Variants in CD83 observed in about 807,000 individuals in gnomAD.
CD83 encodes CD83 molecule, also known as CD83 antigen.
A neutral mutation model predicts 24.6 loss-of-function variants in CD83; 22 were observed. The observed-to-expected ratio is 0.90, with a 90% CI of 0.64 to 1.28. The LOEUF (loss-of-function observed/expected upper bound fraction) is 1.28, where lower values mean the gene tolerates loss of function less well. Among genes scored for constraint, CD83 ranks in the 50% most tolerant of loss-of-function variants. The pLI is 0.00. For missense variants in CD83, 253 were observed against 252.8 expected (o/e 1.00, Z -0.01); for synonymous variants, 101 against 103.5 (o/e 0.98, Z 0.14).
chr6:14,135,683 T>C lies in CD83; in HGVS notation c.*447T>C, dbSNP rs537417005. 3.2e-5 allele frequency: 5 copies of C among 155,748 alleles called. No individual in the cohort carries two copies. The South Asian group carries it at 1.0e-3, about 31-fold the overall frequency. The allele number at this position is 155,748 out of a possible 1,614,324, so 9.6% of individuals were successfully genotyped here. On this transcript the variant is annotated 3_prime_UTR_variant, in exon 5 of 5. Transcript: ENST00000379153. ...TGTACCAGCCCAGATGTTTTACGTC[T>C]GGGAGAAATTGACAGATCAAGCTGT...
chr6:14,123,658 G>C (rs780858562), intron 2 of CD83, among the ~76,000 whole-genome samples: 1 of 141,878 alleles, frequency 7.0e-6, no homozygotes, highest in Non-Finnish European at 1.5e-5. Context: ...GGATCACTGA[G>C]ATTTTTGGAC....
At chr6:14,121,855 T>C (rs1488697700) in intron 2 of CD83, among the ~76,000 whole-genome samples, 1 of 152,106 alleles carries the variant, frequency 6.6e-6, no homozygotes, top group Non-Finnish European at 1.5e-5. Flanking sequence ...CTCTCTTTAA[T>C]GTAGGTTTGG....
chr6:14,117,870 C>T lies in CD83; in HGVS notation c.37+22C>T, dbSNP rs1428104518. ...TGCGGTAGGGCTCGCGAGCGCCTGT[C>T]TCGCCTGTCGCCCCCCGCCCCTCCA... On this transcript the variant is annotated intron_variant, in intron 1 of 4. Coordinates refer to ENST00000379153, the MANE Select transcript of CD83 (RefSeq NM_004233.4). The surrounding 1 kb of genome is among the most constrained non-coding windows in gnomAD (Gnocchi z 4.6). The T allele has an allele frequency of 1.9e-6, 3 of 1,576,698 alleles. No homozygotes were observed. The highest frequency in any genetic ancestry group is 1.1e-5 in the South Asian group (1 of 87,784).
intron 2 of CD83, among the ~76,000 whole-genome samples, chr6:14,123,870 A>C (rs912450489): frequency 6.6e-6 from 1 of 152,096 alleles, no homozygotes; most frequent in African/African-American, 2.4e-5. Flanking sequence ...ATGTCACTAC[A>C]CAAAGAAGAG....
intron 2 of CD83, among the ~76,000 whole-genome samples, chr6:14,118,765 T>G (rs1431272363): frequency 6.6e-6 from 1 of 152,218 alleles, no homozygotes; most frequent in Non-Finnish European, 1.5e-5. Flanking sequence ...AGGTTTCCTC[T>G]TGACTGAAAC....
chr6:14,117,725 A>C, upstream of CD83: 10 of 949,392 alleles, frequency 1.1e-5, no homozygotes, highest in Non-Finnish European at 1.4e-5. This position sits in a 1 kb window ranked among gnomAD's most constrained non-coding sequence, Gnocchi z 4.6. Context: ...CGCGCAGGGA[A>C]GTTCCCGAAC....
At chr6:14,125,173 G>T (rs1759775709) in intron 2 of CD83, among the ~76,000 whole-genome samples, 1 of 152,208 alleles carries the variant, frequency 6.6e-6, no homozygotes, top group Non-Finnish European at 1.5e-5. Context: ...AACTGTGAGA[G>T]AATACATTTC....
In CD83 at chr6:14,136,340, G is replaced by C. The variant is rs931227610; in HGVS notation, c.*1104G>C. The C allele has an allele frequency of 1.3e-5, 2 of 152,248 alleles. No homozygotes were observed. Among genetic ancestry groups the C allele is most frequent in the Non-Finnish European group, 2.9e-5 (2 of 68,048 alleles). The allele number at this position is 152,248 out of a possible 1,614,324, so 9.4% of individuals were successfully genotyped here. A position where few individuals can be genotyped will look rare whatever the true frequency, so the allele number is the denominator to read the frequency against. On this transcript the variant is annotated 3_prime_UTR_variant, in exon 5 of 5. Coordinates refer to ENST00000379153, the MANE Select transcript of CD83 (RefSeq NM_004233.4). ...TTGAAACAAAGAAGGTTACCAAGAA[G>C]CCTTTCCTGTAGCCTTCTGTAGGAA...
chr6:14,125,098 C>G (rs1479351887), intron 2 of CD83, among the ~76,000 whole-genome samples: 3 of 152,240 alleles, frequency 2.0e-5, no homozygotes, highest in African/African-American at 7.2e-5. Flanking sequence ...AGAACAGATT[C>G]TCCCCTAAAG....
chr6:14,119,740 A>T (rs910504445), intron 2 of CD83, among the ~76,000 whole-genome samples: 1 of 152,238 alleles, frequency 6.6e-6, no homozygotes, highest in African/African-American at 2.4e-5. Flanking sequence ...AAGAACGGGG[A>T]AAAACATGAA....
chr6:14,133,856 A>G (rs1757983033), intron 4 of CD83, 101 bp downstream of exon 4: 6 of 729,384 alleles, frequency 8.2e-6, no homozygotes, highest in African/African-American at 5.3e-5. Context: ...TAATGGTGAG[A>G]GAGATTATTC....
chr6:14,124,739 G>A (rs1173312820), intron 2 of CD83, among the ~76,000 whole-genome samples: 2 of 152,130 alleles, frequency 1.3e-5, no homozygotes, highest in African/African-American at 4.8e-5. Flanking sequence ...ATTGGAATGG[G>A]AAAAAATTGA....
In CD83 at chr6:14,136,607, C is replaced by T. The variant is rs41271295; in HGVS notation, c.*1371C>T. Reference sequence around the variant, plus strand: ...GTCCCCCTAATATTAGGGAGTAAAACGGATACCAAGTTGATTTAGTGTTTT... The same window carrying T: ...GTCCCCCTAATATTAGGGAGTAAAATGGATACCAAGTTGATTTAGTGTTTT... On this transcript the variant is annotated 3_prime_UTR_variant, in exon 5 of 5. Transcript: ENST00000379153. 3 of 152,220 alleles carry T rather than the reference C, an allele frequency of 2.0e-5. No individual in the cohort carries two copies. Among genetic ancestry groups the T allele is most frequent in the Non-Finnish European group, 2.9e-5 (2 of 68,014 alleles). 9.4% of individuals were successfully genotyped at this position (152,220 alleles called of 1,614,324 possible). A position where few individuals can be genotyped will look rare whatever the true frequency, so the allele number is the denominator to read the frequency against.
chr6:14,119,887 G>A (rs7774350), intron 2 of CD83, among the ~76,000 whole-genome samples: 1 of 152,126 alleles, frequency 6.6e-6, no homozygotes, highest in African/African-American at 2.4e-5. Context: ...TGGAGTGAAA[G>A]CTTCTTGCAC....
intron 3 of CD83, among the ~76,000 whole-genome samples, chr6:14,132,010 G>A (rs9296923): frequency 0.45 from 67,823 of 152,058 alleles, 15,531 homozygotes; most frequent in Non-Finnish European, 0.52. Flanking sequence ...CCCTGATTCC[G>A]TACAACCGTT....
At chr6:14,133,957 G>A (rs1021794515) in intron 4 of CD83, among the ~76,000 whole-genome samples, 2 of 152,038 alleles carry the variant, frequency 1.3e-5, no homozygotes, top group Non-Finnish European at 2.9e-5. Context: ...TAGTGGCTAC[G>A]TTTAGAGCAT....
At chr6:14,120,710 C>T (rs1420810984) in intron 2 of CD83, among the ~76,000 whole-genome samples, 2 of 152,226 alleles carry the variant, frequency 1.3e-5, no homozygotes. Context: ...ATTCTATTCA[C>T]CACTCAATCC....
chr6:14,118,723 T>A (rs2113383716), intron 2 of CD83, among the ~76,000 whole-genome samples: 1 of 152,292 alleles, frequency 6.6e-6, no homozygotes, highest in Non-Finnish European at 1.5e-5. Flanking sequence ...GCTCCTACTG[T>A]AAGTGGACTG....
intron 2 of CD83, among the ~76,000 whole-genome samples, chr6:14,122,877 T>C (rs1759699751): frequency 1.3e-5 from 2 of 152,236 alleles, no homozygotes; most frequent in East Asian, 3.8e-4. Context: ...AGGACCATCT[T>C]GAGCAAAGGC....
Sources: allele counts gnomAD v4.1 joint callset (sites outside exome capture counted in the v4.1 genomes callset), GRCh38; gene constraint gnomAD v4.1.1; non-coding constraint Gnocchi (gnomAD v3.1); transcripts MANE v1.5; gene names NCBI Gene and HGNC (gene_info 2026-07-23, HGNC 2026-07-21).